FGD4: variants seen among roughly 807,000 people sequenced by gnomAD.
The protein encoded by FGD4 is FYVE, RhoGEF and PH domain-containing protein 4.
In FGD4, 42 loss-of-function variants were observed where a neutral mutation model predicts 102.0. The observed-to-expected ratio is 0.41, with a 90% confidence interval of 0.32 to 0.53. The LOEUF (loss-of-function observed/expected upper bound fraction) is 0.53, where lower values mean the gene tolerates loss of function less well. FGD4 is among the 20% of genes least tolerant of loss of function. The probability of loss-of-function intolerance (pLI) is 0.21; values close to 1 mark genes in which losing one functional copy is unlikely to be tolerated. For missense variants in FGD4, 902 were observed against 1,078.2 expected (o/e 0.84, Z 2.29); for synonymous variants, 380 against 375.7 (o/e 1.01, Z -0.13).
intron 1 of FGD4, among the ~76,000 whole-genome samples, chr12:32,519,458 G>C (rs978216521): frequency 6.6e-6 from 1 of 152,052 alleles, no homozygotes; most frequent in African/African-American, 2.4e-5. Context: ...ATTTCTGCAA[G>C]TACACTCAAA....
intron 1 of FGD4, 132 bp from the exon 2 acceptor site, chr12:32,564,005 C>G (rs1020552310): frequency 1.2e-6 from 1 of 813,952 alleles, no homozygotes; most frequent in African/African-American, 2.4e-5. Flanking sequence ...GAGAGGGAGA[C>G]CGTGGAAAGG....
intron 4 of FGD4, among the ~76,000 whole-genome samples, chr12:32,589,784 T>A (rs201340194): frequency 1.3e-5 from 2 of 152,190 alleles, no homozygotes; most frequent in East Asian, 3.9e-4. Flanking sequence ...GCTCTCACTT[T>A]TAACTCTCCT....
intron 1 of FGD4, chr12:32,534,158 C>A: frequency 3.5e-6 from 1 of 283,198 alleles, no homozygotes; most frequent in Non-Finnish European, 5.3e-6. Context: ...TTTAAAGGTT[C>A]CATGTGCCTC....
At chr12:32,435,204 A>G (rs1008645469) in intron 1 of FGD4, among the ~76,000 whole-genome samples, 1 of 152,094 alleles carries the variant, frequency 6.6e-6, no homozygotes, top group South Asian at 2.1e-4. Flanking sequence ...TGGCCTCCCA[A>G]AGTGCTGGGA....
chr12:32,464,300 G>A (rs926188095), intron 1 of FGD4, among the ~76,000 whole-genome samples: 8 of 152,046 alleles, frequency 5.3e-5, no homozygotes, highest in South Asian at 4.2e-4. Flanking sequence ...CTACAGGCGC[G>A]CACCACTTCG....
At chr12:32,595,305 C>A (rs1947808454) in intron 4 of FGD4, among the ~76,000 whole-genome samples, 1 of 152,074 alleles carries the variant, frequency 6.6e-6, no homozygotes, top group Non-Finnish European at 1.5e-5. Flanking sequence ...CATGGAGTAT[C>A]CTGCATATGT....
intron 1 of FGD4, among the ~76,000 whole-genome samples, chr12:32,482,824 C>G (rs1943801399): frequency 6.6e-6 from 1 of 152,190 alleles, no homozygotes; most frequent in Admixed American, 6.5e-5. Flanking sequence ...ACGTTCTGCA[C>G]TTTAGAAATC....
At chr12:32,597,318 A>G (rs1458438077) in intron 4 of FGD4, among the ~76,000 whole-genome samples, 1 of 152,224 alleles carries the variant, frequency 6.6e-6, no homozygotes, top group African/African-American at 2.4e-5. Flanking sequence ...AGCTTAAAGG[A>G]TGAATGCTAA....
chr12:32,486,106 T>C (rs1465667248), intron 1 of FGD4: 6 of 1,528,020 alleles, frequency 3.9e-6, no homozygotes, highest in Non-Finnish European at 5.2e-6. Flanking sequence ...AATCAGAAGA[T>C]TGCTGGATGT....
chr12:32,459,886 T>C (rs890719232), intron 1 of FGD4, among the ~76,000 whole-genome samples: 1 of 151,742 alleles, frequency 6.6e-6, no homozygotes, highest in Non-Finnish European at 1.5e-5. Flanking sequence ...TTTTTTTTGT[T>C]TTTGGAGAGA....
intron 1 of FGD4, among the ~76,000 whole-genome samples, chr12:32,467,558 T>A (rs1479907978): frequency 1.3e-5 from 2 of 152,260 alleles, no homozygotes; most frequent in African/African-American, 4.8e-5. Flanking sequence ...GTGGAGGGCA[T>A]AGTTATATTA....
intron 1 of FGD4, among the ~76,000 whole-genome samples, chr12:32,462,875 G>GA (rs1943145441): frequency 1.3e-5 from 2 of 152,182 alleles, no homozygotes; most frequent in African/African-American, 4.8e-5. Context: ...AGAACAACAA[G>GA]AAAATGCAGT....
chr12:32,570,454 AT>A lies in FGD4; in HGVS notation c.320-5803del, dbSNP rs1009623641. Reference sequence around the variant, plus strand: ...ATTTATTTATTTACTTATGTATTTAATTTTTTTTTGAGGCAGGCTGTCTATT... The same window carrying A: ...ATTTATTTATTTACTTATGTATTTAATTTTTTTTGAGGCAGGCTGTCTATT... On this transcript the variant is annotated intron_variant, in intron 2 of 16. Coordinates refer to ENST00000534526, the MANE Select transcript of FGD4 (RefSeq NM_001370298.3). 1.6e-4 allele frequency among the ~76,000 whole-genome samples: 24 copies of A among 150,084 alleles called. 1 individual carries two copies. Among genetic ancestry groups the A allele is most frequent in the Non-Finnish European group, 3.1e-4 (21 of 67,478 alleles).
At chr12:32,630,080 C>T (rs1274464556) in intron 14 of FGD4, among the ~76,000 whole-genome samples, 2 of 152,174 alleles carry the variant, frequency 1.3e-5, no homozygotes, top group African/African-American at 4.8e-5. Flanking sequence ...CAGCACTGTC[C>T]ATCCCAAGCT....
chr12:32,408,765 G>C (rs141313643), intron 1 of FGD4, among the ~76,000 whole-genome samples: 161 of 152,284 alleles, frequency 1.1e-3, no homozygotes, highest in African/African-American at 3.8e-3. Flanking sequence ...ATAGCATTCA[G>C]CACCTATTTT....
intron 2 of FGD4, among the ~76,000 whole-genome samples, chr12:32,565,730 C>T (rs1464676659): frequency 6.6e-6 from 1 of 152,118 alleles, no homozygotes; most frequent in Non-Finnish European, 1.5e-5. Context: ...CAACACTTAA[C>T]CTTGCTTTTG....
chr12:32,490,453 G>A (rs1409467009), intron 1 of FGD4, among the ~76,000 whole-genome samples: 2 of 145,882 alleles, frequency 1.4e-5, no homozygotes, highest in African/African-American at 2.5e-5. Context: ...CTGGAGTGCA[G>A]TGCTTGGATC....
At chr12:32,432,356 G>A (rs1391173774) in intron 1 of FGD4, among the ~76,000 whole-genome samples, 1 of 141,354 alleles carries the variant, frequency 7.1e-6, no homozygotes, top group Admixed American at 7.1e-5. Flanking sequence ...CACCGCGCCC[G>A]ACCAATCCTA....
intron 1 of FGD4, among the ~76,000 whole-genome samples, chr12:32,443,955 C>T (rs985759581): frequency 6.6e-6 from 1 of 151,260 alleles, no homozygotes; most frequent in African/African-American, 2.4e-5. Flanking sequence ...AAAAACAATT[C>T]TATGGAGATG....
Sources: allele counts gnomAD v4.1 joint callset (sites outside exome capture counted in the v4.1 genomes callset), GRCh38; gene constraint gnomAD v4.1.1; transcripts MANE v1.5; gene names NCBI Gene and HGNC (gene_info 2026-07-23, HGNC 2026-07-21).